The following ELP3 variants were observed in gnomAD, a reference collection of about 807,000 sequenced individuals.
ELP3 encodes elongator complex protein 3.
ELP3 carries 56 observed loss-of-function variants against 74.9 expected under a neutral mutation model. The ratio of observed to expected loss-of-function variants is 0.75; its 90% CI spans 0.60 to 0.93. ELP3 has a LOEUF of 0.93. Among genes scored for constraint, ELP3 ranks in the 40% least tolerant of loss-of-function variants. The probability of loss-of-function intolerance (pLI) is 0.00; values close to 1 mark genes in which losing one functional copy is unlikely to be tolerated. For missense variants in ELP3, 573 were observed against 686.5 expected, an observed-to-expected ratio of 0.83 and a Z score of 1.85; for synonymous variants, 222 against 239.8, an observed-to-expected ratio of 0.93 and a Z score of 0.68.
At position 28,172,864 on chromosome 8, in the gene ELP3, T is replaced by C. The variant is rs78441960; in HGVS notation, c.1567+10786T>C. On this transcript the variant is annotated intron_variant, in intron 14 of 14. Transcript: ENST00000256398. ...TATCATGAATGGGTTGTGAGTTTTG[T>C]CAAATGCTTTTTCTGCATTTGAGCT... is the stretch of plus-strand genomic sequence containing the variant. Among the ~76,000 whole-genome samples the C allele has an allele frequency of 3.2e-3, 484 of 152,236 alleles. 12 individuals are homozygous for C. The highest frequency in any genetic ancestry group is 0.026 in the East Asian group (135 of 5,194).
At position 28,134,540 on chromosome 8, in the gene ELP3, A is replaced by C. The variant is rs368698240; in HGVS notation, c.906+2136A>C. Among the ~76,000 whole-genome samples, 27 of 152,336 alleles carry C rather than the reference A, an allele frequency of 1.8e-4. No homozygotes were observed. The East Asian group carries it at 4.8e-3, about 27-fold the overall frequency. On this transcript the variant is annotated intron_variant, in intron 9 of 14. Coordinates refer to ENST00000256398, the MANE Select transcript of ELP3 (RefSeq NM_018091.6). ...TCTACAAATTAAATTGTTTTAAAATAAATAAGTTTTAGAAATTGATAAGAG... is the reference window on the plus strand; with the variant it reads ...TCTACAAATTAAATTGTTTTAAAATCAATAAGTTTTAGAAATTGATAAGAG...
intron 7 of ELP3, among the ~76,000 whole-genome samples, chr8:28,128,432 C>T (rs553332417): frequency 5.9e-5 from 9 of 151,960 alleles, no homozygotes; most frequent in South Asian, 2.1e-4. Flanking sequence ...GCCAAGATCG[C>T]GCCACTGTAC....
rs145070359 is a variant in ELP3, at chr8:28,182,610, C to G, written c.1568-7039C>G. On this transcript the variant is annotated intron_variant, in intron 14 of 14. Coordinates refer to ENST00000256398, the MANE Select transcript of ELP3 (RefSeq NM_018091.6). ...CTGGGTTTGTTCTCCACCCACCCCC[C>G]CTTTTTTTTGGCCTTTGGTTAGTCT... Among the ~76,000 whole-genome samples the G allele has an allele frequency of 5.7e-4, 87 of 152,264 alleles. 1 individual carries two copies. The South Asian group carries it at 0.016, about 29-fold the overall frequency.
rs779107100 is a variant in ELP3 at position 28,132,273 on chromosome 8, C to T, written c.780-5C>T. 1.2e-6 allele frequency: 2 copies of T among 1,613,882 alleles called. No homozygotes were observed. Among genetic ancestry groups the T allele is most frequent in the Non-Finnish European group, 1.7e-6 (2 of 1,179,874 alleles). ...TTTTCACAGGTAGTGATTTTCTTTC[C>T]TTAGGGGCCACACTGTGAAGGCAGT... On this transcript the variant is annotated splice_region_variant and splice_polypyrimidine_tract_variant and intron_variant, in intron 8 of 14. Transcript: ENST00000256398.
chr8:28,122,344 G>A (rs1812406088), intron 7 of ELP3, among the ~76,000 whole-genome samples: 1 of 152,022 alleles, frequency 6.6e-6, no homozygotes, highest in African/African-American at 2.4e-5. Context: ...TCCCTCCCCT[G>A]TTTTCTGAAA....
At chr8:28,114,274 G>A (rs893289210) in intron 7 of ELP3, among the ~76,000 whole-genome samples, 3 of 152,102 alleles carry the variant, frequency 2.0e-5, no homozygotes, top group South Asian at 2.1e-4. Flanking sequence ...AGCCTGGGGT[G>A]TTCTAGGGAC....
At chr8:28,158,772 G>T (rs558290531) in intron 12 of ELP3, 139 bp downstream of exon 12, 30 of 678,516 alleles carry the variant, frequency 4.4e-5, no homozygotes, top group Admixed American at 1.4e-4. Flanking sequence ...TTAGATACCG[G>T]TGTCAAACCG....
chr8:28,162,968 C>G (rs902407840), intron 14 of ELP3, among the ~76,000 whole-genome samples: 10 of 152,174 alleles, frequency 6.6e-5, no homozygotes, highest in Admixed American at 5.2e-4. Flanking sequence ...GTCTAAGGGT[C>G]CTTCCTGCAT....
intron 8 of ELP3, 29 bp downstream of exon 8, chr8:28,129,692 A>G (rs1812717919): frequency 1.2e-6 from 2 of 1,612,076 alleles, no homozygotes; most frequent in African/African-American, 1.3e-5. Flanking sequence ...ATCTTGCACA[A>G]GTCTTCCTCC....
At chr8:28,178,241 T>C (rs565519421) in intron 14 of ELP3, among the ~76,000 whole-genome samples, 16 of 152,286 alleles carry the variant, frequency 1.1e-4, no homozygotes, top group African/African-American at 3.6e-4. Context: ...TACTATTGCA[T>C]TGGGGATTAA....
chr8:28,128,898 G>A (rs1416531357), intron 7 of ELP3, among the ~76,000 whole-genome samples: 3 of 152,182 alleles, frequency 2.0e-5, no homozygotes, highest in Non-Finnish European at 4.4e-5. Context: ...TCGCTACTCT[G>A]ATACATGATT....
At chr8:28,117,996 CTCA>C (rs878902002) in intron 7 of ELP3, among the ~76,000 whole-genome samples, 1 of 152,204 alleles carries the variant, frequency 6.6e-6, no homozygotes, top group Admixed American at 6.5e-5. Flanking sequence ...GCCCTTCTCT[CTCA>C]TCCTGCCCAG....
chr8:28,148,246 C>T (rs1813505047), intron 10 of ELP3, among the ~76,000 whole-genome samples: 1 of 152,024 alleles, frequency 6.6e-6, no homozygotes, highest in African/African-American at 2.4e-5. Context: ...AGTCATCAGT[C>T]AATATGAGAC....
rs191626130 is a variant in ELP3 at position 28,178,902 on chromosome 8, C to A, written c.1568-10747C>A. Among the ~76,000 whole-genome samples the A allele has an allele frequency of 5.5e-4, 84 of 152,306 alleles. 1 individual carries two copies. Among genetic ancestry groups the A allele is most frequent in the Admixed American group, 1.5e-3 (23 of 15,306 alleles). ...TACTGGCCATTTGGAGATCCTCTTT[C>A]TGAAGTTGCTGTGTGCACATGTGTG... On this transcript the variant is annotated intron_variant, in intron 14 of 14. Transcript: ENST00000256398.
intron 10 of ELP3, among the ~76,000 whole-genome samples, chr8:28,139,472 A>G (rs367872650): frequency 2.6e-5 from 4 of 152,268 alleles, no homozygotes; most frequent in African/African-American, 9.6e-5. Flanking sequence ...GGCCCTTCAT[A>G]TCTTCGGATT....
intron 5 of ELP3, among the ~76,000 whole-genome samples, chr8:28,109,256 G>A (rs1257414683): frequency 6.6e-6 from 1 of 152,172 alleles, no homozygotes; most frequent in African/African-American, 2.4e-5. Context: ...AGGCCAGTGA[G>A]GTGCTTTTGA....
intron 10 of ELP3, among the ~76,000 whole-genome samples, chr8:28,154,057 A>C (rs551370127): frequency 6.6e-6 from 1 of 152,226 alleles, no homozygotes; most frequent in Non-Finnish European, 1.5e-5. Flanking sequence ...CCTAAATGCA[A>C]GAAGGCTGTT....
intron 14 of ELP3, among the ~76,000 whole-genome samples, chr8:28,164,384 G>A (rs1476975629): frequency 6.6e-6 from 1 of 152,136 alleles, no homozygotes; most frequent in Non-Finnish European, 1.5e-5. Flanking sequence ...CAAATAACAA[G>A]AAGAGACTTG....
At position 28,137,908 on chromosome 8, in the gene ELP3, T is replaced by C; in HGVS notation, c.1100+17T>C. On this transcript the variant is annotated intron_variant, in intron 10 of 14. Coordinates refer to ENST00000256398, the MANE Select transcript of ELP3 (RefSeq NM_018091.6). Reference sequence around the variant, plus strand: ...AGTACAGAGGTAGTGTGTTATCTTTTATTCCTAAAATAGTTGGTGACTAGT... The same window carrying C: ...AGTACAGAGGTAGTGTGTTATCTTTCATTCCTAAAATAGTTGGTGACTAGT... 1 of 1,557,024 alleles carries C rather than the reference T, an allele frequency of 6.4e-7. No individual in the cohort carries two copies. The highest frequency in any genetic ancestry group is 8.6e-7 in the Non-Finnish European group (1 of 1,158,094).
Sources: allele counts gnomAD v4.1 joint callset (sites outside exome capture counted in the v4.1 genomes callset), GRCh38; gene constraint gnomAD v4.1.1; transcripts MANE v1.5; gene names NCBI Gene and HGNC (gene_info 2026-07-23, HGNC 2026-07-21).